The following PTPRD variants were observed in gnomAD, a reference collection of about 807,000 sequenced individuals.
The protein encoded by PTPRD is receptor-type tyrosine-protein phosphatase delta.
PTPRD carries 34 observed loss-of-function variants against 214.5 expected under a neutral mutation model. That is an observed-to-expected ratio of 0.16 (90% confidence interval 0.12 to 0.21). PTPRD has a LOEUF of 0.21. Ranked by LOEUF, PTPRD falls within the 10% of genes least tolerant of loss-of-function variation. The pLI is 1.00. For synonymous variants in PTPRD, 1,128 were observed against 845.7 expected (o/e 1.33, Z -5.79); for missense variants, 2,545 against 2,398.7 (o/e 1.06, Z -1.27).
At chr9:9,569,766 G>C (rs2085778213) in intron 8 of PTPRD, among the ~76,000 whole-genome samples, 1 of 151,548 alleles carries the variant, frequency 6.6e-6, no homozygotes, top group African/African-American at 2.4e-5. Flanking sequence ...GCTAGATATA[G>C]TGTGTAAATC....
chr9:8,989,516 G>A (rs1265181465), intron 11 of PTPRD, among the ~76,000 whole-genome samples: 4 of 152,046 alleles, frequency 2.6e-5, no homozygotes, highest in African/African-American at 9.7e-5. Flanking sequence ...TTCCGTCAAT[G>A]TTCCTGGAAA....
chr9:9,759,053 A>C lies in PTPRD; in HGVS notation c.-326+7757T>G, dbSNP rs140123430. Among the ~76,000 whole-genome samples, 788 of 152,248 alleles carry C rather than the reference A, an allele frequency of 5.2e-3. 8 individuals are homozygous for C. The highest frequency in any genetic ancestry group is 0.018 in the African/African-American group (752 of 41,532). The stretch of plus-strand genomic sequence containing the variant: ...TATCATTTTATACCCTCAAGATTTC[A>C]GACTTTTTATCAAACCAATTTTGAT... On this transcript the variant is annotated intron_variant, in intron 6 of 45. Coordinates refer to ENST00000381196, the MANE Select transcript of PTPRD (RefSeq NM_002839.4).
intron 9 of PTPRD, among the ~76,000 whole-genome samples, chr9:9,301,954 C>T (rs1955481799): frequency 6.6e-6 from 1 of 151,840 alleles, no homozygotes; most frequent in African/African-American, 2.4e-5. Flanking sequence ...TGTTGATTTG[C>T]TATGTTGGTT....
At chr9:9,825,915 T>C (rs1404587419) in intron 5 of PTPRD, among the ~76,000 whole-genome samples, 1 of 151,746 alleles carries the variant, frequency 6.6e-6, no homozygotes, top group Non-Finnish European at 1.5e-5. Flanking sequence ...TAAGATCTAT[T>C]ATTTTATTAT....
chr9:10,066,542 G>A (rs2097888843), intron 3 of PTPRD, among the ~76,000 whole-genome samples: 1 of 151,886 alleles, frequency 6.6e-6, no homozygotes, highest in South Asian at 2.1e-4. Context: ...CTGAAATGGA[G>A]TAGCTCAAAA....
At chr9:8,471,113 A>G (rs1403377363) in intron 30 of PTPRD, 28 bp from the exon 31 acceptor site, 3 of 1,597,180 alleles carry the variant, frequency 1.9e-6, no homozygotes, top group Non-Finnish European at 2.6e-6. Flanking sequence ...GATAAAAGTT[A>G]GGTTAGTTGA....
intron 8 of PTPRD, among the ~76,000 whole-genome samples, chr9:9,414,375 A>C (rs2076379272): frequency 6.6e-6 from 1 of 152,224 alleles, no homozygotes; most frequent in African/African-American, 2.4e-5. Flanking sequence ...TGGAGAATTA[A>C]GGTCTTTGCA....
intron 11 of PTPRD, among the ~76,000 whole-genome samples, chr9:8,848,163 A>G (rs1251786326): frequency 6.6e-6 from 1 of 151,928 alleles, no homozygotes; most frequent in African/African-American, 2.4e-5. Context: ...GCTGGAGGCC[A>G]TCTGCAGAAA....
chr9:10,167,595 T>A (rs935400440), intron 3 of PTPRD, among the ~76,000 whole-genome samples: 2 of 152,194 alleles, frequency 1.3e-5, no homozygotes, highest in Non-Finnish European at 2.9e-5. Flanking sequence ...GAATATCTTA[T>A]TAGAAGTGGA....
chr9:9,865,767 T>G (rs137916260), intron 5 of PTPRD, among the ~76,000 whole-genome samples: 1 of 152,238 alleles, frequency 6.6e-6, no homozygotes, highest in Non-Finnish European at 1.5e-5. Context: ...TAAGCTATCT[T>G]GGGTATTTAT....
chr9:8,760,794 G>GA (rs1326857200), intron 11 of PTPRD, among the ~76,000 whole-genome samples: 6 of 151,934 alleles, frequency 3.9e-5, no homozygotes, highest in Admixed American at 6.6e-5. Flanking sequence ...CTTCCCACAA[G>GA]AAAAAAACAA....
intron 8 of PTPRD, among the ~76,000 whole-genome samples, chr9:9,468,596 T>G (rs1018644809): frequency 6.6e-6 from 1 of 152,110 alleles, no homozygotes; most frequent in Non-Finnish European, 1.5e-5. Context: ...TTCATAAACA[T>G]GCATTTCAGT....
At chr9:8,355,967 ATG>A (rs921302567) in intron 39 of PTPRD, among the ~76,000 whole-genome samples, 4 of 152,200 alleles carry the variant, frequency 2.6e-5, no homozygotes, top group African/African-American at 4.8e-5. Flanking sequence ...TAATGTACAT[ATG>A]TGTGTGTTTA....
chr9:9,340,281 G>A (rs989667470), intron 9 of PTPRD, among the ~76,000 whole-genome samples: 6 of 152,154 alleles, frequency 3.9e-5, no homozygotes, highest in African/African-American at 1.4e-4. Flanking sequence ...GATACTATGT[G>A]CATATAAGAT....
chr9:9,967,569 A>G (rs946290188), intron 4 of PTPRD, among the ~76,000 whole-genome samples: 1 of 152,186 alleles, frequency 6.6e-6, no homozygotes, highest in South Asian at 2.1e-4. Flanking sequence ...ATAAAAGATG[A>G]ATATTATCTC....
chr9:9,660,480 A>AT (rs910661393), intron 7 of PTPRD, among the ~76,000 whole-genome samples: 41 of 151,948 alleles, frequency 2.7e-4, no homozygotes, highest in Non-Finnish European at 4.7e-4. Flanking sequence ...AATAGATAAT[A>AT]TTTTTCAAGA....
At chr9:8,436,217 G>C (rs1006420487) in intron 35 of PTPRD, among the ~76,000 whole-genome samples, 1 of 151,948 alleles carries the variant, frequency 6.6e-6, no homozygotes, top group Non-Finnish European at 1.5e-5. Context: ...GGGAGATGTT[G>C]ATCAGTTTTA....
chr9:10,210,761 T>C (rs1004909873), intron 3 of PTPRD, among the ~76,000 whole-genome samples: 2 of 84,590 alleles, frequency 2.4e-5, no homozygotes, highest in African/African-American at 3.3e-5. Flanking sequence ...AAAATGTTTA[T>C]ATATAATGTT....
chr9:8,797,798 C>G (rs1836233), intron 11 of PTPRD, among the ~76,000 whole-genome samples: 18,653 of 152,054 alleles, frequency 0.12, 1,176 homozygotes, highest in East Asian at 0.19. Flanking sequence ...GAGAATGTGT[C>G]TTCTCATATT....
Sources: gnomAD v4.1 joint callset for allele counts (sites outside exome capture counted in the v4.1 genomes callset) on GRCh38, gnomAD v4.1.1 for gene constraint, MANE v1.5 for transcripts, NCBI Gene and HGNC (gene_info 2026-07-23, HGNC 2026-07-21) for gene names.